Variants in IFT43 observed in about 807,000 individuals in gnomAD.
IFT43 encodes intraflagellar transport protein 43 homolog.
In IFT43, 33 loss-of-function variants were observed where a neutral mutation model predicts 32.3. The ratio of observed to expected loss-of-function variants is 1.02; its 90% CI spans 0.77 to 1.37. The LOEUF (loss-of-function observed/expected upper bound fraction) is 1.37, where lower values mean the gene tolerates loss of function less well. Among genes scored for constraint, IFT43 ranks in the 40% most tolerant of loss-of-function variants. The pLI, the probability that IFT43 is intolerant of heterozygous loss-of-function variation, is 0.00. For missense variants in IFT43, 274 were observed against 265.9 expected (o/e 1.03, Z -0.21); for synonymous variants, 93 against 98.2 (o/e 0.95, Z 0.31).
chr14:75,993,027 AAT>A, intron 2 of IFT43, among the ~76,000 whole-genome samples: 1 of 152,208 alleles, frequency 6.6e-6, no homozygotes, highest in African/African-American at 2.4e-5. Context: ...AAACAGGGAT[AAT>A]AATATTCCAT....
In IFT43 at chr14:75,999,249, A is replaced by ATAAATTCATTTTATT; in HGVS notation, c.147+10274_147+10275insAATTCATTTTATTTA. On this transcript the variant is annotated intron_variant, in intron 2 of 8. Coordinates refer to ENST00000314067, the MANE Select transcript of IFT43 (RefSeq NM_001102564.3). ...ATTTTATATATATATATATATATATATATATATATATATATATATATATGT... is the reference window on the plus strand; with the variant it reads ...ATTTTATATATATATATATATATATATAAATTCATTTTATTTATATATATATATATATATATATGT... Among the ~76,000 whole-genome samples, 2 of 13,794 alleles carry ATAAATTCATTTTATT rather than the reference A, an allele frequency of 1.4e-4. 1 individual carries two copies. The highest frequency in any genetic ancestry group is 1.6e-3 in the Admixed American group (2 of 1,270). 9.0% of individuals were successfully genotyped at this position (13,794 alleles called of 152,430 possible).
chr14:76,001,655 C>T (rs1368049929), intron 2 of IFT43, among the ~76,000 whole-genome samples: 1 of 152,198 alleles, frequency 6.6e-6, no homozygotes, highest in East Asian at 1.9e-4. Context: ...TAGGGGGTGT[C>T]TTGGTCTGTT....
intron 3 of IFT43, among the ~76,000 whole-genome samples, chr14:76,026,593 G>A (rs1055216227): frequency 5.3e-5 from 8 of 151,838 alleles, no homozygotes; most frequent in African/African-American, 1.9e-4. Context: ...ACAGATGCTG[G>A]TGAGGTTGCG....
At chr14:76,050,562 T>G (rs1019617771) in intron 3 of IFT43, among the ~76,000 whole-genome samples, 2 of 152,308 alleles carry the variant, frequency 1.3e-5, no homozygotes, top group Non-Finnish European at 1.5e-5. Context: ...GCTGAAGTGA[T>G]TCTCCCACCT....
chr14:76,055,875 T>C (rs1378851635), intron 3 of IFT43, among the ~76,000 whole-genome samples: 1 of 152,168 alleles, frequency 6.6e-6, no homozygotes, highest in Admixed American at 6.5e-5. Flanking sequence ...CTCACTCCTA[T>C]TGGAAAACCA....
chr14:76,069,163 G>T (rs1566734058), intron 5 of IFT43, among the ~76,000 whole-genome samples: 1 of 152,142 alleles, frequency 6.6e-6, no homozygotes, highest in South Asian at 2.1e-4. Context: ...GAAGGCAAAG[G>T]GGGAGCAGGC....
chr14:76,038,759 C>T (rs948522548), intron 3 of IFT43, among the ~76,000 whole-genome samples: 1 of 152,192 alleles, frequency 6.6e-6, no homozygotes, highest in Admixed American at 6.5e-5. Flanking sequence ...ATGTGTCACA[C>T]TCATGCTATC....
rs185498920 is a variant in IFT43, at chr14:76,016,599, G to A, written c.148-5728G>A. The stretch of plus-strand genomic sequence containing the variant: ...TTTTTCTGTTTCTGTGAAGAATATC[G>A]TGGGTATTTTGATAGAATTGTATTG... On this transcript the variant is annotated intron_variant, in intron 2 of 8. Transcript: ENST00000314067. Among the ~76,000 whole-genome samples the A allele has an allele frequency of 1.5e-3, 228 of 152,140 alleles. 5 individuals carry two copies. The South Asian group carries it at 0.037, about 25-fold the overall frequency.
Position 76,032,654 on chromosome 14 carries a change from A to C in IFT43, c.215+10260A>C, listed in dbSNP as rs531927110. On this transcript the variant is annotated intron_variant, in intron 3 of 8. Coordinates refer to ENST00000314067, the MANE Select transcript of IFT43 (RefSeq NM_001102564.3). ...GTCTCCTGCACAGTGCCTAGTCCAT[A>C]ATAAGCACTCGGTGACTATTTATTG... is the stretch of plus-strand genomic sequence containing the variant. 2.6e-5 allele frequency among the ~76,000 whole-genome samples: 4 copies of C among 152,232 alleles called. No homozygotes were observed. The South Asian group carries it at 8.3e-4, about 31-fold the overall frequency.
At chr14:76,081,119 C>T (rs147936149) in intron 5 of IFT43, among the ~76,000 whole-genome samples, 5 of 152,326 alleles carry the variant, frequency 3.3e-5, no homozygotes, top group South Asian at 2.1e-4. Context: ...AGACACCAGG[C>T]TTGGAACTGA....
intron 5 of IFT43, among the ~76,000 whole-genome samples, chr14:76,068,408 T>G (rs1305473695): frequency 6.6e-6 from 1 of 152,196 alleles, no homozygotes; most frequent in Non-Finnish European, 1.5e-5. Flanking sequence ...CATAAACTGC[T>G]TTTGATTAAG....
At chr14:75,997,824 G>A (rs1315722614) in intron 2 of IFT43, among the ~76,000 whole-genome samples, 2 of 152,204 alleles carry the variant, frequency 1.3e-5, no homozygotes, top group Non-Finnish European at 2.9e-5. Flanking sequence ...TTCAGTAGTT[G>A]CCTCATAACT....
At chr14:75,988,807 T>C (rs2035580466) in intron 1 of IFT43, 78 bp from the exon 2 acceptor site, 2 of 1,607,802 alleles carry the variant, frequency 1.2e-6, no homozygotes, top group Non-Finnish European at 1.7e-6. Flanking sequence ...TGTGAGCCAC[T>C]GCGCCCGGCT....
chr14:76,075,874 A>C (rs2037403515), intron 5 of IFT43, among the ~76,000 whole-genome samples: 1 of 152,252 alleles, frequency 6.6e-6, no homozygotes, highest in Non-Finnish European at 1.5e-5. Flanking sequence ...TTGTAGCTGC[A>C]GAGAAAAATT....
chr14:75,995,572 G>A lies in IFT43; in HGVS notation c.147+6595G>A, dbSNP rs534701494. ...CATCCCCCAGCAGCCTCACTCGGCC[G>A]GAGCTCCCTTGGCACTTTGCATTAC... is the stretch of plus-strand genomic sequence containing the variant. On this transcript the variant is annotated intron_variant, in intron 2 of 8. Coordinates refer to ENST00000314067, the MANE Select transcript of IFT43 (RefSeq NM_001102564.3). 3.9e-5 allele frequency among the ~76,000 whole-genome samples: 6 copies of A among 152,290 alleles called. No individual in the cohort carries two copies. The South Asian group carries it at 8.3e-4, about 21-fold the overall frequency.
intron 2 of IFT43, among the ~76,000 whole-genome samples, chr14:75,989,330 C>T (rs549029233): frequency 1.3e-5 from 2 of 151,952 alleles, no homozygotes; most frequent in East Asian, 3.9e-4. Flanking sequence ...TTGGATTACA[C>T]AATTGGACAT....
At chr14:76,022,078 C>G (rs1311522608) in intron 2 of IFT43, among the ~76,000 whole-genome samples, 1 of 152,100 alleles carries the variant, frequency 6.6e-6, no homozygotes, top group East Asian at 1.9e-4. Flanking sequence ...TGGTGAAACC[C>G]TGTCTCTACT....
intron 3 of IFT43, among the ~76,000 whole-genome samples, chr14:76,032,556 A>G (rs750051349): frequency 6.6e-6 from 1 of 152,146 alleles, no homozygotes; most frequent in African/African-American, 2.4e-5. Flanking sequence ...GCATGCATAC[A>G]TATTCTCTTT....
chr14:76,067,387 G>A (rs1034708860), intron 5 of IFT43, among the ~76,000 whole-genome samples: 86 of 152,198 alleles, frequency 5.7e-4, no homozygotes, highest in African/African-American at 2.1e-3. Context: ...CCAACATGGT[G>A]AAATCTTGTC....
Sources: gnomAD v4.1 joint callset for allele counts (sites outside exome capture counted in the v4.1 genomes callset) on GRCh38, gnomAD v4.1.1 for gene constraint, MANE v1.5 for transcripts, NCBI Gene and HGNC (gene_info 2026-07-23, HGNC 2026-07-21) for gene names.